Variants in SLC25A21 observed in about 807,000 individuals in gnomAD.
The protein encoded by SLC25A21 is solute carrier family 25 member 21.
SLC25A21 carries 47 observed loss-of-function variants against 43.8 expected under a neutral mutation model. The observed-to-expected ratio is 1.07, with a 90% CI of 0.85 to 1.37. The LOEUF is 1.37. Ranked by LOEUF, SLC25A21 falls within the 40% of genes most tolerant of loss-of-function variation. The pLI, the probability that SLC25A21 is intolerant of heterozygous loss-of-function variation, is 0.00. For synonymous variants in SLC25A21, 131 were observed against 121.3 expected (o/e 1.08, Z -0.52); for missense variants, 352 against 350.2 (o/e 1.00, Z -0.04).
intron 1 of SLC25A21, among the ~76,000 whole-genome samples, chr14:37,050,533 A>G (rs911272021): frequency 6.6e-6 from 1 of 152,208 alleles, no homozygotes; most frequent in Non-Finnish European, 1.5e-5. Context: ...CTTCCAACTC[A>G]TCAGCCTAGA....
intron 3 of SLC25A21, among the ~76,000 whole-genome samples, chr14:36,737,131 CAAG>C (rs1306505336): frequency 2.0e-5 from 3 of 152,140 alleles, no homozygotes; most frequent in Non-Finnish European, 4.4e-5. Context: ...AGAAAAAGAA[CAAG>C]AAGACATGGG....
At chr14:36,680,787 T>G in intron 9 of SLC25A21, 68 bp from the exon 10 acceptor site, 128 of 1,454,518 alleles carry the variant, frequency 8.8e-5, no homozygotes, top group Non-Finnish European at 1.1e-4. Flanking sequence ...CCACTGGGTT[T>G]CTGAATCCAT....
intron 1 of SLC25A21, among the ~76,000 whole-genome samples, chr14:37,149,491 T>C (rs1963722378): frequency 1.3e-5 from 2 of 152,058 alleles, no homozygotes; most frequent in South Asian, 4.1e-4. Flanking sequence ...GGCTCACACC[T>C]GCAATCCCAG....
chr14:37,089,580 C>T (rs1267344496), intron 1 of SLC25A21, among the ~76,000 whole-genome samples: 1 of 152,168 alleles, frequency 6.6e-6, no homozygotes, highest in Non-Finnish European at 1.5e-5. Context: ...TGAGCCCATC[C>T]CCAAACAGAT....
At chr14:37,138,603 G>T (rs952647647) in intron 1 of SLC25A21, among the ~76,000 whole-genome samples, 1 of 151,794 alleles carries the variant, frequency 6.6e-6, no homozygotes, top group Admixed American at 6.6e-5. Context: ...ATTGTCTTTG[G>T]ACAATATCTC....
chr14:36,733,545 AT>A (rs1884914728), intron 4 of SLC25A21, among the ~76,000 whole-genome samples: 1 of 152,158 alleles, frequency 6.6e-6, no homozygotes, highest in Non-Finnish European at 1.5e-5. Context: ...TATGTGGGTG[AT>A]TTTATCATAA....
At chr14:36,805,004 T>C (rs555074174) in intron 3 of SLC25A21, among the ~76,000 whole-genome samples, 1 of 152,320 alleles carries the variant, frequency 6.6e-6, no homozygotes, top group East Asian at 1.9e-4. Context: ...CCATTGGCTA[T>C]GGAATCCCAC....
intron 2 of SLC25A21, among the ~76,000 whole-genome samples, chr14:36,858,851 G>A (rs1010228756): frequency 1.3e-5 from 2 of 152,064 alleles, no homozygotes; most frequent in Non-Finnish European, 2.9e-5. Context: ...TCAACCTGAA[G>A]ATAGATTTTA....
At chr14:37,144,845 C>T (rs1963633072) in intron 1 of SLC25A21, among the ~76,000 whole-genome samples, 1 of 151,854 alleles carries the variant, frequency 6.6e-6, no homozygotes, top group South Asian at 2.1e-4. Context: ...ATTGCCCATG[C>T]TGGTCTTGAA....
chr14:37,016,158 G>T (rs1183060550), intron 1 of SLC25A21, among the ~76,000 whole-genome samples: 2 of 152,088 alleles, frequency 1.3e-5, no homozygotes, highest in African/African-American at 2.4e-5. Flanking sequence ...TTTTCTTCCA[G>T]GGTTTTTATG....
At chr14:37,070,161 C>T (rs1203222820) in intron 1 of SLC25A21, among the ~76,000 whole-genome samples, 4 of 152,104 alleles carry the variant, frequency 2.6e-5, no homozygotes, top group Non-Finnish European at 5.9e-5. Flanking sequence ...CCATCCTAAT[C>T]GGACTCTAAT....
chr14:36,748,695 TG>T (rs1885591061), intron 3 of SLC25A21, among the ~76,000 whole-genome samples: 1 of 152,242 alleles, frequency 6.6e-6, no homozygotes, highest in Non-Finnish European at 1.5e-5. Context: ...GGACTTTGTC[TG>T]TTTCCCTGGT....
At chr14:37,015,615 A>G (rs1016410885) in intron 1 of SLC25A21, among the ~76,000 whole-genome samples, 45 of 151,662 alleles carry the variant, frequency 3.0e-4, no homozygotes, top group Middle Eastern at 6.8e-3. Flanking sequence ...AGGAATCGCC[A>G]CACTGACTTC....
intron 1 of SLC25A21, among the ~76,000 whole-genome samples, chr14:37,002,971 T>A (rs80180155): frequency 6.6e-6 from 1 of 152,196 alleles, no homozygotes; most frequent in African/African-American, 2.4e-5. Context: ...TCTTAGGGTA[T>A]ACCCAACAGA....
chr14:37,132,201 T>C (rs1268499984), intron 1 of SLC25A21, among the ~76,000 whole-genome samples: 2 of 152,196 alleles, frequency 1.3e-5, no homozygotes, highest in Admixed American at 1.3e-4. Context: ...AATCCATTCA[T>C]GAGGGTCTTG....
chr14:37,027,097 G>A (rs1028534584), intron 1 of SLC25A21, among the ~76,000 whole-genome samples: 9 of 152,136 alleles, frequency 5.9e-5, no homozygotes, highest in South Asian at 4.1e-4. Flanking sequence ...CAGGGACAGC[G>A]TGTTTATTGA....
chr14:36,721,511 A>C (rs777184554), intron 6 of SLC25A21, among the ~76,000 whole-genome samples: 8 of 152,216 alleles, frequency 5.3e-5, no homozygotes, highest in Non-Finnish European at 8.8e-5. Context: ...TCAAGGCCAC[A>C]CTGTTGGATA....
chr14:37,026,024 G>GT (rs1213063848), intron 1 of SLC25A21, among the ~76,000 whole-genome samples: 1 of 151,988 alleles, frequency 6.6e-6, no homozygotes, highest in Non-Finnish European at 1.5e-5. Flanking sequence ...AATCCACTAT[G>GT]TTTTATGTAA....
intron 1 of SLC25A21, among the ~76,000 whole-genome samples, chr14:36,924,081 T>C (rs861927): frequency 0.69 from 104,297 of 151,728 alleles, 36,349 homozygotes; most frequent in Admixed American, 0.72. Flanking sequence ...GTTGGTGGGA[T>C]TGTAAACTAG....
Sources: gnomAD v4.1 joint callset for allele counts (sites outside exome capture counted in the v4.1 genomes callset) on GRCh38, gnomAD v4.1.1 for gene constraint, MANE v1.5 for transcripts, NCBI Gene and HGNC (gene_info 2026-07-23, HGNC 2026-07-21) for gene names.